The following DNAH9 variants were observed in gnomAD, a reference collection of about 807,000 sequenced individuals.
DNAH9 encodes the protein DNAH9 variant protein.
In DNAH9, 345 loss-of-function variants were observed where a neutral mutation model predicts 471.6. That is an observed-to-expected ratio of 0.73 (90% CI 0.67 to 0.80). The LOEUF (loss-of-function observed/expected upper bound fraction) is 0.80. Among genes scored for constraint, DNAH9 ranks in the 30% least tolerant of loss-of-function variants. The probability of loss-of-function intolerance (pLI) is 0.00; values close to 1 mark genes in which losing one functional copy is unlikely to be tolerated. For missense variants in DNAH9, 5,407 were observed against 5,609.2 expected (o/e 0.96, Z 1.15); for synonymous variants, 2,093 against 2,123.6 (o/e 0.99, Z 0.40).
intron 59 of DNAH9, among the ~76,000 whole-genome samples, chr17:11,896,826 C>G (rs369683651): frequency 6.6e-6 from 1 of 152,180 alleles, no homozygotes; most frequent in Non-Finnish European, 1.5e-5. Context: ...CACGGTGGCT[C>G]ACGTCTGTAA....
At chr17:11,676,799 A>G (rs2074057300) in intron 17 of DNAH9, among the ~76,000 whole-genome samples, 1 of 152,068 alleles carries the variant, frequency 6.6e-6, no homozygotes, top group Non-Finnish European at 1.5e-5. Context: ...GCATGCTAAC[A>G]TTGAAAGTTA....
chr17:11,835,805 G>C (rs1389728269), intron 49 of DNAH9, among the ~76,000 whole-genome samples: 1 of 152,134 alleles, frequency 6.6e-6, no homozygotes, highest in East Asian at 1.9e-4. Flanking sequence ...ACTTGGGCAA[G>C]TTCTAAAACA....
At chr17:11,701,036 A>G in intron 23 of DNAH9, 86 bp from the exon 24 acceptor site, 1 of 1,433,484 alleles carries the variant, frequency 7.0e-7, no homozygotes. Context: ...CCTTTCCTTC[A>G]CTCCCTCAGA....
intron 4 of DNAH9, among the ~76,000 whole-genome samples, chr17:11,615,889 C>G (rs1375584261): frequency 6.6e-6 from 1 of 152,126 alleles, no homozygotes; most frequent in Non-Finnish European, 1.5e-5. Flanking sequence ...ATTCTGAAAT[C>G]CCCCACCCCA....
In DNAH9 at chr17:11,807,727, T is replaced by C. The variant is rs555535980; in HGVS notation, c.8421-5T>C. 2.3e-5 allele frequency: 37 copies of C among 1,602,708 alleles called. No individual in the cohort carries two copies. The Middle Eastern group carries it at 6.6e-4, about 29-fold the overall frequency. ...AGCAACATGTGCCTGCTTCCTTCTC[T>C]TTAGCTGCCATATCAATCGCATCTT... is the stretch of plus-strand genomic sequence containing the variant. On this transcript the variant is annotated splice_polypyrimidine_tract_variant and splice_region_variant and intron_variant, in intron 43 of 68. Transcript: ENST00000262442.
At position 11,756,608 on chromosome 17, in the gene DNAH9, C is replaced by T; in HGVS notation, c.6779C>T (p.Pro2260Leu). ...LASNERIPLN[P>L]TMKLLFEISH... ...AGCAATGAGAGGATTCCTCTGAACC[C>T]CACCATGAAGCTCCTCTTTGAGATC... The change falls in exon 34 of 69, where the codon CCC becomes CTC. Residue 2260 changes from proline (P) to leucine (L), a missense_variant. Pro to Leu is a moderately conservative substitution (Grantham distance 98). This residue lies in a region of DNAH9 where 4,636 missense variants were observed against 4,900.3 expected (regional missense o/e 0.95). Transcript: ENST00000262442. The T allele has an allele frequency of 6.2e-7, 1 of 1,613,888 alleles. No individual in the cohort carries two copies. Among genetic ancestry groups the T allele is most frequent in the Non-Finnish European group, 8.5e-7 (1 of 1,179,810 alleles).
intron 32 of DNAH9, among the ~76,000 whole-genome samples, chr17:11,750,422 C>T (rs942400960): frequency 2.6e-5 from 4 of 151,996 alleles, no homozygotes; most frequent in African/African-American, 7.2e-5. Flanking sequence ...AATTATATCA[C>T]CAAACTCAAT....
At chr17:11,601,104 C>T (rs2072376794) in intron 1 of DNAH9, among the ~76,000 whole-genome samples, 1 of 152,176 alleles carries the variant, frequency 6.6e-6, no homozygotes, top group Admixed American at 6.5e-5. Context: ...AAGGTTCATC[C>T]ATATCGTCAC....
intron 8 of DNAH9, 128 bp from the exon 9 acceptor site, chr17:11,636,506 A>G (rs2150679617): frequency 1.5e-6 from 1 of 654,664 alleles, no homozygotes. Context: ...GTCCAGCTCC[A>G]CAATAACACT....
chr17:11,755,102 T>C (rs543265568), intron 33 of DNAH9, among the ~76,000 whole-genome samples: 1 of 152,336 alleles, frequency 6.6e-6, no homozygotes, highest in Non-Finnish European at 1.5e-5. Flanking sequence ...TGCTTGTTTT[T>C]GTCAGCTTTG....
chr17:11,777,058 GA>G (rs1968463916), intron 38 of DNAH9, among the ~76,000 whole-genome samples: 1 of 152,204 alleles, frequency 6.6e-6, no homozygotes, highest in Admixed American at 6.5e-5. Context: ...CTCAGTTGAA[GA>G]CCATTCTGTA....
rs1332207761 is a variant in DNAH9, at chr17:11,669,358, T to G, written c.2929-12T>G. ...CTGGTGTAACCTGCCTGCCGTTGTCTCGCTTCCCCAGGTCGACCTGGACGG... is the reference window on the plus strand; with the variant it reads ...CTGGTGTAACCTGCCTGCCGTTGTCGCGCTTCCCCAGGTCGACCTGGACGG... On this transcript the variant is annotated splice_polypyrimidine_tract_variant and intron_variant, in intron 16 of 68. Coordinates refer to ENST00000262442, the MANE Select transcript of DNAH9 (RefSeq NM_001372.4). 1 of 1,604,908 alleles carries G rather than the reference T, an allele frequency of 6.2e-7. No homozygotes were observed. Among genetic ancestry groups the G allele is most frequent in the Non-Finnish European group, 8.5e-7 (1 of 1,174,706 alleles).
At chr17:11,747,480 T>A (rs1966928527) in intron 31 of DNAH9, 76 bp from the exon 32 acceptor site, 1 of 1,173,668 alleles carries the variant, frequency 8.5e-7, no homozygotes, top group Non-Finnish European at 1.3e-6. Flanking sequence ...AGACACCAGC[T>A]GGGGTCACAG....
At position 11,784,423 on chromosome 17, in the gene DNAH9, C is replaced by T; in HGVS notation, c.7945C>T (p.Pro2649Ser). The change falls in exon 41 of 69, where the codon CCC (proline) becomes TCC (serine). Residue 2649 changes from proline (P) to serine (S), a missense_variant. This residue lies in a region of DNAH9 where 4,636 missense variants were observed against 4,900.3 expected (regional missense o/e 0.95). Transcript: ENST00000262442. ...CCCGGCGTCCCTGCAGAAATCCATC[C>T]CCCCACTGATCGATCTGGCCCTCGC... Reference protein sequence around the residue: ...NFPASLQKSIPPLIDLALAFH... With the variant: ...NFPASLQKSISPLIDLALAFH... 1 of 1,614,190 alleles carries T rather than the reference C, an allele frequency of 6.2e-7. No homozygotes were observed. The highest frequency in any genetic ancestry group is 8.5e-7 in the Non-Finnish European group (1 of 1,180,038).
At chr17:11,838,040 G>T (rs1970904310) in intron 49 of DNAH9, among the ~76,000 whole-genome samples, 1 of 152,152 alleles carries the variant, frequency 6.6e-6, no homozygotes, top group African/African-American at 2.4e-5. Context: ...ATACAAGAAA[G>T]AAATTAATCC....
chr17:11,967,611 A>G (rs1047936195), intron 68 of DNAH9, among the ~76,000 whole-genome samples: 1 of 152,244 alleles, frequency 6.6e-6, no homozygotes, highest in Non-Finnish European at 1.5e-5. Flanking sequence ...TGGATTAAGC[A>G]ATACAATTTT....
At position 11,651,100 on chromosome 17, in the gene DNAH9, T is replaced by G; in HGVS notation, c.2129T>G (p.Leu710Arg). ...TCAGTGCTGAAAGAAATGAGCTATC[T>G]TGAACCCAGAGAGATGAAACACATG... ...LISVLKEMSY[L>R]EPREMKHMPE... Residue 710 changes from leucine to arginine, a missense_variant, in exon 13 of 69, where the codon CTT (leucine) becomes CGT (arginine). Transcript: ENST00000262442. The G allele has an allele frequency of 6.2e-7, 1 of 1,614,178 alleles. No individual in the cohort carries two copies. The highest frequency in any genetic ancestry group is 8.5e-7 in the Non-Finnish European group (1 of 1,180,026).
At chr17:11,938,456 C>CAAAAAAAAAAAAAAAAAAAAAAAAAAAA (rs11364413) in intron 66 of DNAH9, among the ~76,000 whole-genome samples, 1 of 111,442 alleles carries the variant, frequency 9.0e-6, no homozygotes, top group Non-Finnish European at 1.9e-5. Context: ...AGACTGTCTC[C>CAAAAAAAAAAAAAAAAAAAAAAAAAAAA]AAAAAAAAAA....
chr17:11,809,104 T>C (rs1444049154), intron 44 of DNAH9, among the ~76,000 whole-genome samples: 1 of 152,094 alleles, frequency 6.6e-6, no homozygotes, highest in East Asian at 1.9e-4. Flanking sequence ...GGAACTGAGA[T>C]TGATCAAGCT....
Sources: allele counts gnomAD v4.1 joint callset (sites outside exome capture counted in the v4.1 genomes callset), GRCh38; gene constraint gnomAD v4.1.1; regional missense constraint gnomAD v4.1.1; transcripts MANE v1.5; gene names NCBI Gene and HGNC (gene_info 2026-07-23, HGNC 2026-07-21).